Variants in SFMBT1 observed in about 807,000 individuals in gnomAD.
The protein encoded by SFMBT1 is scm-like with four MBT domains protein 1.
Under a neutral mutation model 108.7 loss-of-function variants are expected in SFMBT1, and 32 were observed. That is an observed-to-expected ratio of 0.29 (90% CI 0.22 to 0.40). SFMBT1 has a LOEUF of 0.40. SFMBT1 is among the 10% of genes least tolerant of loss of function. SFMBT1 has a pLI of 1.00. For missense variants in SFMBT1, 816 were observed against 1,059.6 expected (o/e 0.77, Z 3.19); for synonymous variants, 348 against 369.5 (o/e 0.94, Z 0.67).
intron 1 of SFMBT1, among the ~76,000 whole-genome samples, chr3:53,036,827 G>C (rs1191432450): frequency 1.3e-5 from 2 of 152,232 alleles, no homozygotes; most frequent in African/African-American, 4.8e-5. Flanking sequence ...GGAGCAGAGA[G>C]AGGCACTGGC....
chr3:52,918,379 A>C, intron 13 of SFMBT1, 105 bp downstream of exon 13: 1 of 887,128 alleles, frequency 1.1e-6, no homozygotes, highest in Non-Finnish European at 1.7e-6. Flanking sequence ...TGTTGAATTA[A>C]AAAATTATGC....
chr3:52,967,030 A>G (rs1014781573), intron 2 of SFMBT1, among the ~76,000 whole-genome samples: 1 of 151,684 alleles, frequency 6.6e-6, no homozygotes, highest in Non-Finnish European at 1.5e-5. Context: ...AAACACTACA[A>G]ATCAAAATGG....
chr3:52,930,828 G>A, intron 7 of SFMBT1, 113 bp downstream of exon 7: 1 of 770,244 alleles, frequency 1.3e-6, no homozygotes, highest in Non-Finnish European at 2.2e-6. Context: ...TCCTCCTTCA[G>A]AGACCATGGC....
rs1332063701 is a variant in SFMBT1 at position 52,921,694 on chromosome 3, C to T, written c.1258+11G>A. On this transcript the variant is annotated intron_variant, in intron 11 of 20. Transcript: ENST00000394752. ...TGGCCACAGGAAGGCTTCTAGAGTG[C>T]TGGCACTCACCCTCCAGCTGGAGCC... is the stretch of plus-strand genomic sequence containing the variant. 1.2e-6 allele frequency: 2 copies of T among 1,613,590 alleles called. No individual in the cohort carries two copies. Among genetic ancestry groups the T allele is most frequent in the Non-Finnish European group, 1.7e-6 (2 of 1,179,818 alleles).
chr3:53,035,059 A>T (rs1699823688), intron 1 of SFMBT1, among the ~76,000 whole-genome samples: 1 of 152,356 alleles, frequency 6.6e-6, no homozygotes, highest in East Asian at 1.9e-4. Flanking sequence ...CGGATGGAAC[A>T]TGGCAGGAAA....
At chr3:52,975,360 A>G (rs1296032315) in intron 1 of SFMBT1, among the ~76,000 whole-genome samples, 1 of 152,088 alleles carries the variant, frequency 6.6e-6, no homozygotes, top group Non-Finnish European at 1.5e-5. Flanking sequence ...GGTTGACCCA[A>G]TAGGCCACTG....
chr3:52,993,129 C>T (rs1294332992), intron 1 of SFMBT1, among the ~76,000 whole-genome samples: 1 of 150,376 alleles, frequency 6.6e-6, no homozygotes, highest in Non-Finnish European at 1.5e-5. Flanking sequence ...AAAAATAGCA[C>T]ATAGAGCAGG....
At chr3:52,952,390 T>A (rs762379399) in intron 3 of SFMBT1, among the ~76,000 whole-genome samples, 2 of 152,212 alleles carry the variant, frequency 1.3e-5, no homozygotes, top group Non-Finnish European at 2.9e-5. Context: ...TATGCCCTAC[T>A]GAACATTGCT....
chr3:52,942,805 C>T lies in SFMBT1; in HGVS notation c.364+548G>A, dbSNP rs140392372. Among the ~76,000 whole-genome samples the T allele has an allele frequency of 9.2e-5, 14 of 152,322 alleles. No homozygotes were observed. In the East Asian group the frequency reaches 1.9e-3, roughly 21 times the overall value. ...GGTGCCATTACAGGCATGGGCCACC[C>T]CGCCCAGACAACTCACGTATTTTCT... On this transcript the variant is annotated intron_variant, in intron 4 of 20. Transcript: ENST00000394752.
chr3:53,015,030 G>C (rs1004873096), intron 1 of SFMBT1, among the ~76,000 whole-genome samples: 1 of 152,098 alleles, frequency 6.6e-6, no homozygotes, highest in Non-Finnish European at 1.5e-5. Flanking sequence ...GCCAGCCTGG[G>C]TAACATGGTG....
At chr3:53,044,622 G>A (rs1349546859) in intron 1 of SFMBT1, among the ~76,000 whole-genome samples, 1 of 152,232 alleles carries the variant, frequency 6.6e-6, no homozygotes, top group African/African-American at 2.4e-5. Context: ...TTACCCAGAT[G>A]CAATAAAATT....
At chr3:52,905,474 A>G (rs1309617757) in intron 20 of SFMBT1, among the ~76,000 whole-genome samples, 198 bp from the exon 21 acceptor site, 1 of 152,230 alleles carries the variant, frequency 6.6e-6, no homozygotes, top group Non-Finnish European at 1.5e-5. Flanking sequence ...CAGAATTAAT[A>G]AAGTTTTACT....
chr3:52,923,024 G>T (rs1415859088), intron 10 of SFMBT1, among the ~76,000 whole-genome samples: 1 of 152,188 alleles, frequency 6.6e-6, no homozygotes, highest in African/African-American at 2.4e-5. Flanking sequence ...GAAAGTTCAA[G>T]GTTGACAAGC....
chr3:53,019,800 A>C (rs1263058274), intron 1 of SFMBT1, among the ~76,000 whole-genome samples: 1 of 152,204 alleles, frequency 6.6e-6, no homozygotes, highest in Non-Finnish European at 1.5e-5. Flanking sequence ...ACACAAAGCA[A>C]ATCATGACAC....
intron 1 of SFMBT1, among the ~76,000 whole-genome samples, chr3:52,987,417 GC>G (rs1466500924): frequency 2.0e-5 from 3 of 152,206 alleles, no homozygotes; most frequent in Admixed American, 6.5e-5. Context: ...CTTTAGGATG[GC>G]TACTACATCA....
chr3:53,013,810 G>A (rs1458250192), intron 1 of SFMBT1, among the ~76,000 whole-genome samples: 1 of 151,604 alleles, frequency 6.6e-6, no homozygotes, highest in South Asian at 2.1e-4. Context: ...TGTATTTTTA[G>A]TAGAGATGGG....
At chr3:53,032,248 T>A (rs1699711117) in intron 1 of SFMBT1, among the ~76,000 whole-genome samples, 1 of 152,226 alleles carries the variant, frequency 6.6e-6, no homozygotes, top group Non-Finnish European at 1.5e-5. Flanking sequence ...TACATGCCTA[T>A]GGTTCCAGCT....
intron 8 of SFMBT1, chr3:52,928,641 T>TATACATATATACATATATACATATATAC (rs1392023601): frequency 1.3e-4 from 7 of 52,960 alleles, no homozygotes; most frequent in African/African-American, 3.2e-4. Context: ...TATATACATA[T>TATACATATATACATATATACATATATAC]ATATATATAT....
chr3:52,912,942 C>T (rs769628357), intron 15 of SFMBT1, among the ~76,000 whole-genome samples: 2 of 152,186 alleles, frequency 1.3e-5, no homozygotes, highest in Non-Finnish European at 2.9e-5. Flanking sequence ...TTCCCAGCCA[C>T]GGTACACACA....
Sources: gnomAD v4.1 joint callset for allele counts (sites outside exome capture counted in the v4.1 genomes callset) on GRCh38, gnomAD v4.1.1 for gene constraint, MANE v1.5 for transcripts, NCBI Gene and HGNC (gene_info 2026-07-23, HGNC 2026-07-21) for gene names.